The following SHANK1 variants were observed in gnomAD, a reference collection of about 807,000 sequenced individuals.
The protein encoded by SHANK1 is SH3 and multiple ankyrin repeat domains 1.
SHANK1 carries 35 observed loss-of-function variants against 165.6 expected under a neutral mutation model. The ratio of observed to expected loss-of-function variants is 0.21; its 90% CI spans 0.16 to 0.28. The LOEUF is 0.28. Ranked by LOEUF, SHANK1 falls within the 10% of genes least tolerant of loss-of-function variation. The pLI is 1.00. For missense variants in SHANK1, 2,681 were observed against 3,036.4 expected (o/e 0.88, Z 2.75); for synonymous variants, 1,428 against 1,384.8 (o/e 1.03, Z -0.69).
At position 50,703,770 on chromosome 19, in the gene SHANK1, A is replaced by T; in HGVS notation, c.1283T>A (p.Leu428Gln). ...ARRRGPPGTG[L>Q]TVPPALLRAN... The stretch of plus-strand genomic sequence containing the variant: ...CCGCAGCAGCGCCGGGGGCACCGTC[A>T]GCCCTGTGCCTGGGGGCCCCCGTCG... The change falls in exon 11 of 24, where the codon CTG (leucine) becomes CAG (glutamine). Residue 428 changes from leucine (L) to glutamine (Q), a missense_variant. Physicochemically the swap from Leu to Gln is moderately radical, Grantham distance 113. Transcript: ENST00000293441. 1 of 1,429,724 alleles carries T rather than the reference A, an allele frequency of 7.0e-7. No homozygotes were observed. The highest frequency in any genetic ancestry group is 9.1e-7 in the Non-Finnish European group (1 of 1,096,610). The allele number at this position is 1,429,724 out of a possible 1,614,324, so 88.6% of individuals were successfully genotyped here. A position where few individuals can be genotyped will look rare whatever the true frequency, so the allele number is the denominator to read the frequency against.
intron 8 of SHANK1, among the ~76,000 whole-genome samples, chr19:50,705,362 G>A (rs116877947): frequency 0.017 from 2,611 of 152,200 alleles, 26 homozygotes; most frequent in Middle Eastern, 0.048. Context: ...AATAATTTCT[G>A]TATTGATTCT....
At chr19:50,664,892 C>T (rs1985413487) in intron 23 of SHANK1, among the ~76,000 whole-genome samples, 1 of 152,140 alleles carries the variant, frequency 6.6e-6, no homozygotes, top group Non-Finnish European at 1.5e-5. Context: ...GGAGCTAGGA[C>T]TACAGGTGCC....
chr19:50,710,459 G>A (rs2088994391), intron 8 of SHANK1, among the ~76,000 whole-genome samples: 1 of 152,216 alleles, frequency 6.6e-6, no homozygotes, highest in Non-Finnish European at 1.5e-5. Flanking sequence ...AGGGCAGGAA[G>A]CATCAAGAAA....
chr19:50,697,043 C>T lies in SHANK1; in HGVS notation c.1964+53G>A. 6.9e-7 allele frequency: 1 copy of T among 1,442,424 alleles called. No individual in the cohort carries two copies. The highest frequency in any genetic ancestry group is 1.7e-5 in the Admixed American group (1 of 59,398). 89.4% of individuals were successfully genotyped at this position (1,442,424 alleles called of 1,614,324 possible). A position where few individuals can be genotyped will look rare whatever the true frequency, so the allele number is the denominator to read the frequency against. Reference sequence around the variant, plus strand: ...CACACACGTTCACACGCCCCCCAGGCACCCCGTCCTTCCCCTCCTGACCCC... The same window carrying T: ...CACACACGTTCACACGCCCCCCAGGTACCCCGTCCTTCCCCTCCTGACCCC... On this transcript the variant is annotated intron_variant, in intron 15 of 23. Transcript: ENST00000293441. This position sits in a 1 kb window ranked among gnomAD's most constrained non-coding sequence, Gnocchi z 4.7.
At chr19:50,683,924 G>A (rs1294343933) in intron 21 of SHANK1, among the ~76,000 whole-genome samples, 1 of 152,226 alleles carries the variant, frequency 6.6e-6, no homozygotes, top group Non-Finnish European at 1.5e-5. Flanking sequence ...CGGACAGGAA[G>A]AGGTCTTGGA....
rs114217562 is a variant in SHANK1, at chr19:50,701,552, T to C, written c.1747+915A>G. 3.5e-3 allele frequency among the ~76,000 whole-genome samples: 539 copies of C among 152,130 alleles called. 2 individuals are homozygous for C. The highest frequency in any genetic ancestry group is 0.012 in the African/African-American group (487 of 41,526). ...GAAACATTGGTCTAAGTACTTTACATGATCTGACTCCTCCAATCCTCATCA... is the reference window on the plus strand; with the variant it reads ...GAAACATTGGTCTAAGTACTTTACACGATCTGACTCCTCCAATCCTCATCA... On this transcript the variant is annotated intron_variant, in intron 12 of 23. Coordinates refer to ENST00000293441, the MANE Select transcript of SHANK1 (RefSeq NM_016148.5).
intron 23 of SHANK1, among the ~76,000 whole-genome samples, chr19:50,663,991 GTGCCT>G (rs1361991071): frequency 7.5e-6 from 1 of 132,958 alleles, no homozygotes; most frequent in African/African-American, 2.9e-5. Flanking sequence ...CCAGGCTGCA[GTGCCT>G]TGGTGTCATA....
In SHANK1 at chr19:50,687,008, C is replaced by T. The variant is rs749450130; in HGVS notation, c.2390-196G>A. ...CGGGGGCCCTCCCGCCAGTCCTGTG[C>T]CCACTCACCACTCTTCTTCTTCCAG... On this transcript the variant is annotated intron_variant, in intron 19 of 23. Coordinates refer to ENST00000293441, the MANE Select transcript of SHANK1 (RefSeq NM_016148.5). The T allele has an allele frequency of 2.7e-6, 4 of 1,483,246 alleles. No individual in the cohort carries two copies. The African/African-American group carries it at 4.4e-5, about 16-fold the overall frequency. 91.9% of individuals were successfully genotyped at this position (1,483,246 alleles called of 1,614,324 possible). A position where few individuals can be genotyped will look rare whatever the true frequency, so the allele number is the denominator to read the frequency against.
chr19:50,664,777 C>T (rs181845024), intron 23 of SHANK1, among the ~76,000 whole-genome samples: 4 of 151,880 alleles, frequency 2.6e-5, no homozygotes, highest in East Asian at 3.9e-4. Context: ...TTTTTTGAGA[C>T]GGAGTCTCAC....
chr19:50,678,412 C>T (rs7258421), intron 21 of SHANK1, among the ~76,000 whole-genome samples: 9,889 of 150,852 alleles, frequency 0.066, 1,065 homozygotes, highest in African/African-American at 0.23. Context: ...GCATGGGGCA[C>T]GGGGGCAGGT....
chr19:50,674,625 C>T (rs1257076891), intron 21 of SHANK1, among the ~76,000 whole-genome samples: 1 of 152,164 alleles, frequency 6.6e-6, no homozygotes, highest in African/African-American at 2.4e-5. Context: ...CCCCCTAGAG[C>T]AGCCACTAGC....
At chr19:50,663,809 G>A (rs1031411878) in intron 23 of SHANK1, among the ~76,000 whole-genome samples, 1 of 151,272 alleles carries the variant, frequency 6.6e-6, no homozygotes, top group Admixed American at 6.6e-5. Flanking sequence ...GAATAGTCAA[G>A]GAATTGCATT....
chr19:50,681,138 G>A (rs1338262456), intron 21 of SHANK1, among the ~76,000 whole-genome samples: 2 of 151,948 alleles, frequency 1.3e-5, no homozygotes, highest in Non-Finnish European at 2.9e-5. Flanking sequence ...AAGACCAGAC[G>A]TCGAGAGAGG....
chr19:50,664,123 T>C (rs1371432621), intron 23 of SHANK1, among the ~76,000 whole-genome samples: 1 of 20,960 alleles, frequency 4.8e-5, no homozygotes, highest in Non-Finnish European at 2.8e-4. Flanking sequence ...CTTTTCTTTC[T>C]TTTTTTTTTT....
At position 50,659,897 on chromosome 19, in the gene SHANK1, G is replaced by C. The variant is rs1264614777; in HGVS notation, c.*2068C>G. Among the ~76,000 whole-genome samples, 1 of 148,616 alleles carries C rather than the reference G, an allele frequency of 6.7e-6. No individual in the cohort carries two copies. The highest frequency in any genetic ancestry group is 1.5e-5 in the Non-Finnish European group (1 of 66,858). On this transcript the variant is annotated 3_prime_UTR_variant, in exon 24 of 24. Coordinates refer to ENST00000293441, the MANE Select transcript of SHANK1 (RefSeq NM_016148.5). ...GGCATCCGACAAGGGGGAGGGGGCG[G>C]GTAGGGGTCCAGCGCGGCCTCTGCC...
rs1261347165 is a variant in SHANK1 at position 50,670,289 on chromosome 19, C to A, written c.2675-1004G>T. 6.6e-6 allele frequency among the ~76,000 whole-genome samples: 1 copy of A among 152,184 alleles called. No individual in the cohort carries two copies. The highest frequency in any genetic ancestry group is 2.4e-5 in the African/African-American group (1 of 41,438). On this transcript the variant is annotated intron_variant, in intron 22 of 23. Transcript: ENST00000293441. The surrounding 1 kb of genome is among the most constrained non-coding windows in gnomAD (Gnocchi z 4.1). ...TTAGCTTTCTTCCTCAAGTCACCCA[C>A]ATCCAATCCACCAGCAAATCCTGTT... is the stretch of plus-strand genomic sequence containing the variant.
intron 23 of SHANK1, among the ~76,000 whole-genome samples, chr19:50,663,505 C>G (rs1405314791): frequency 6.6e-6 from 1 of 152,088 alleles, no homozygotes; most frequent in East Asian, 1.9e-4. Context: ...CCTTCTCCAC[C>G]CATCCCATTG....
At position 50,668,374 on chromosome 19, in the gene SHANK1, A is replaced by AGCCGCCGCC. The variant is rs752183166; in HGVS notation, c.3577_3585dup (p.Gly1193_Gly1195dup). The AGCCGCCGCC allele has an allele frequency of 2.3e-5, 29 of 1,269,042 alleles. No homozygotes were observed. The highest frequency in any genetic ancestry group is 2.4e-5 in the Non-Finnish European group (24 of 1,006,056). 78.6% of individuals were successfully genotyped at this position (1,269,042 alleles called of 1,614,324 possible). On this transcript the variant is annotated inframe_insertion, in exon 23 of 24. Coordinates refer to ENST00000293441, the MANE Select transcript of SHANK1 (RefSeq NM_016148.5). ...ATGGCCGGGGCGGGGCTGGGCGAGG[A>AGCCGCCGCC]GCCGCCGCCGCCGCCGCCTCCCGTG...
chr19:50,668,192 C>T lies in SHANK1; in HGVS notation c.3768G>A (p.Leu1256=). ...CGTCCCCCGCGTCGGTGGACAGGAA[C>T]AGCGTGGAGCGCCGGCGCGCCTCAT... ...WQNEARRRST[L]FLSTDAGDED... is the part of the protein sequence containing the mutation. Residue 1256 remains leucine, a synonymous_variant, in exon 23 of 24, where the codon CTG becomes CTA. Coordinates refer to ENST00000293441, the MANE Select transcript of SHANK1 (RefSeq NM_016148.5). 6.7e-7 allele frequency: 1 copy of T among 1,495,038 alleles called. No individual in the cohort carries two copies. The highest frequency in any genetic ancestry group is 8.8e-7 in the Non-Finnish European group (1 of 1,134,594). 92.6% of individuals were successfully genotyped at this position (1,495,038 alleles called of 1,614,324 possible).
Sources: allele counts gnomAD v4.1 joint callset (sites outside exome capture counted in the v4.1 genomes callset), GRCh38; gene constraint gnomAD v4.1.1; non-coding constraint Gnocchi (gnomAD v3.1); transcripts MANE v1.5; gene names NCBI Gene and HGNC (gene_info 2026-07-23, HGNC 2026-07-21).